Variants in PKD1L1 observed in about 807,000 individuals in gnomAD.
PKD1L1 encodes polycystin 1 like 1, transient receptor potential channel interacting.
PKD1L1 carries 236 observed loss-of-function variants against 323.4 expected under a neutral mutation model. That is an observed-to-expected ratio of 0.73 (90% CI 0.66 to 0.81). PKD1L1 has a LOEUF of 0.81. Ranked by LOEUF, PKD1L1 falls within the 40% of genes least tolerant of loss-of-function variation. PKD1L1 has a pLI of 0.00. For missense variants in PKD1L1, 3,320 were observed against 3,508.0 expected (o/e 0.95, Z 1.35); for synonymous variants, 1,344 against 1,335.0 (o/e 1.01, Z -0.15).
intron 9 of PKD1L1, among the ~76,000 whole-genome samples, chr7:47,907,125 T>TA (rs1284872568): frequency 6.6e-6 from 1 of 152,098 alleles, no homozygotes; most frequent in Non-Finnish European, 1.5e-5. Context: ...GCAAACAGGT[T>TA]AAAAAAATCC....
chr7:47,876,106 T>A lies in PKD1L1; in HGVS notation c.3775A>T (p.Asn1259Tyr). The A allele has an allele frequency of 6.2e-7, 1 of 1,614,028 alleles. No homozygotes were observed. The highest frequency in any genetic ancestry group is 8.5e-7 in the Non-Finnish European group (1 of 1,179,942). The change falls in exon 23 of 57, where the codon AAT becomes TAT. Residue 1259 changes from asparagine (N) to tyrosine (Y), a missense_variant. By Grantham distance (143) the Asn-to-Tyr change is moderately radical. Transcript: ENST00000289672. ...TGGCACCATAGCTTACCTTTGTAAT[T>A]GTCCAAGTGCTCACCAGCTGGCAAC... Reference protein sequence around the residue: ...FVLPAGEHLDNYKVMVSTEIT... With the variant: ...FVLPAGEHLDYYKVMVSTEIT...
chr7:47,843,750 C>T (rs899656779), intron 33 of PKD1L1, among the ~76,000 whole-genome samples: 2 of 152,132 alleles, frequency 1.3e-5, no homozygotes, highest in Admixed American at 6.5e-5. Context: ...CGTAGAATGA[C>T]ATTCATATCA....
At chr7:47,780,707 T>C (rs1399679459) in intron 56 of PKD1L1, among the ~76,000 whole-genome samples, 2 of 152,218 alleles carry the variant, frequency 1.3e-5, no homozygotes, top group Non-Finnish European at 1.5e-5. Flanking sequence ...CTCAGCATAA[T>C]TCTCTGGAGA....
At chr7:47,860,195 C>T (rs181968241) in intron 26 of PKD1L1, among the ~76,000 whole-genome samples, 87 of 152,256 alleles carry the variant, frequency 5.7e-4, no homozygotes, top group African/African-American at 1.9e-3. Flanking sequence ...TCACATCTAA[C>T]AAAACTACGA....
chr7:47,924,152 G>C (rs1787612489), intron 7 of PKD1L1, among the ~76,000 whole-genome samples: 1 of 152,162 alleles, frequency 6.6e-6, no homozygotes, highest in African/African-American at 2.4e-5. Flanking sequence ...GCTGAGCAAG[G>C]AGAACAGGGA....
At chr7:47,878,289 C>T (rs1395431421) in intron 21 of PKD1L1, among the ~76,000 whole-genome samples, 1 of 152,134 alleles carries the variant, frequency 6.6e-6, no homozygotes, top group African/African-American at 2.4e-5. Flanking sequence ...TTATTATCCC[C>T]AATGATTAAA....
intron 26 of PKD1L1, among the ~76,000 whole-genome samples, chr7:47,859,880 G>A (rs532065258): frequency 6.6e-6 from 1 of 151,870 alleles, no homozygotes; most frequent in African/African-American, 2.4e-5. Context: ...CACCCGCCTC[G>A]GCTTCCCAAA....
In PKD1L1 at chr7:47,880,769, G is replaced by C; in HGVS notation, c.3479C>G (p.Ser1160Cys). The change falls in exon 21 of 57, where the codon TCT becomes TGT. Residue 1160 changes from serine to cysteine, a missense_variant. Coordinates refer to ENST00000289672, the MANE Select transcript of PKD1L1 (RefSeq NM_138295.5). ...TEQTVTIKPYSLSSGETYVLQ... is the reference protein window; with the variant it reads ...TEQTVTIKPYCLSSGETYVLQ... ...GACGTACGTCTCTCCACTGCTCAGA[G>C]AGTATGGCTTGATTGTCACTGTCTG... The C allele has an allele frequency of 6.2e-7, 1 of 1,609,210 alleles. No individual in the cohort carries two copies. The highest frequency in any genetic ancestry group is 8.5e-7 in the Non-Finnish European group (1 of 1,177,188).
intron 13 of PKD1L1, among the ~76,000 whole-genome samples, chr7:47,900,728 C>T (rs1390556784): frequency 6.6e-6 from 1 of 150,812 alleles, no homozygotes; most frequent in Non-Finnish European, 1.5e-5. Context: ...AACTCAGTCT[C>T]AAAAATAAAT....
chr7:47,943,196 A>G lies in PKD1L1; in HGVS notation c.160+200T>C, dbSNP rs13228904. ...TATATATATATATATATATATATAT[A>G]TGTGTGTGTACCATCCTGGCATGTG... On this transcript the variant is annotated intron_variant, in intron 2 of 56. Transcript: ENST00000289672. Among the ~76,000 whole-genome samples, 17,401 of 132,644 alleles carry G rather than the reference A, an allele frequency of 0.13. 1,276 individuals are homozygous for G. The highest frequency in any genetic ancestry group is 0.21 in the East Asian group (947 of 4,448). The allele number at this position is 132,644 out of a possible 152,430, so 87.0% of individuals were successfully genotyped here.
At position 47,904,376 on chromosome 7, in the gene PKD1L1, A is replaced by G; in HGVS notation, c.1931+2T>C. 6.2e-7 allele frequency: 1 copy of G among 1,613,976 alleles called. No individual in the cohort carries two copies. Among genetic ancestry groups the G allele is most frequent in the Non-Finnish European group, 8.5e-7 (1 of 1,179,982 alleles). ...GCACTCCGCCGCCTTGCAGTGGCTCACCTACTGTAGACATGGCTGCTGGAG... is the reference window on the plus strand; with the variant it reads ...GCACTCCGCCGCCTTGCAGTGGCTCGCCTACTGTAGACATGGCTGCTGGAG... On this transcript the variant is annotated splice_donor_variant, in intron 12 of 56. Transcript: ENST00000289672. LOFTEE classifies it high-confidence loss of function.
chr7:47,804,179 C>A (rs780183075), intron 52 of PKD1L1, among the ~76,000 whole-genome samples: 4 of 152,186 alleles, frequency 2.6e-5, no homozygotes, highest in Non-Finnish European at 5.9e-5. Flanking sequence ...ACAACCAAAA[C>A]CTAGAGAAGC....
chr7:47,832,031 G>A lies in PKD1L1; in HGVS notation c.6338-679C>T, dbSNP rs188758588. On this transcript the variant is annotated intron_variant, in intron 41 of 56. Transcript: ENST00000289672. ...CCTCTGGGTGCAGCCGTCTTAGCTC[G>A]TTTTCTAGCAACTGCTCTTAGAGGC... Among the ~76,000 whole-genome samples the A allele has an allele frequency of 5.3e-5, 8 of 152,328 alleles. No individual in the cohort carries two copies. In the East Asian group the frequency reaches 7.7e-4, roughly 15 times the overall value.
intron 20 of PKD1L1, 89 bp downstream of exon 20, chr7:47,881,820 A>G: frequency 1.5e-6 from 2 of 1,330,304 alleles, no homozygotes; most frequent in Non-Finnish European, 2.1e-6. Flanking sequence ...CTTATCTAGT[A>G]AAACGAAAAG....
At chr7:47,861,153 T>C (rs541336128) in intron 26 of PKD1L1, among the ~76,000 whole-genome samples, 4 of 152,356 alleles carry the variant, frequency 2.6e-5, no homozygotes, top group African/African-American at 9.6e-5. Flanking sequence ...AGAAAAAATA[T>C]CTGTTGTATT....
intron 56 of PKD1L1, among the ~76,000 whole-genome samples, chr7:47,786,467 A>G (rs989757407): frequency 6.6e-6 from 1 of 152,112 alleles, no homozygotes; most frequent in African/African-American, 2.4e-5. Context: ...CCCAAATGTG[A>G]AAGGGAATGC....
chr7:47,882,078 G>A lies in PKD1L1; in HGVS notation c.3273C>T (p.Asp1091=), dbSNP rs754012146. 1.2e-6 allele frequency: 2 copies of A among 1,613,288 alleles called. No individual in the cohort carries two copies. Among genetic ancestry groups the A allele is most frequent in the Non-Finnish European group, 1.7e-6 (2 of 1,179,844 alleles). ...TAGGTCCTGATCCTGGAAAGCTGGTGTCCTTAGCTAGGAAGATAAACCAAG... is the reference window on the plus strand; with the variant it reads ...TAGGTCCTGATCCTGGAAAGCTGGTATCCTTAGCTAGGAAGATAAACCAAG... ...IPSGGRQPAK[D]TSFPGSGPSL... The change falls in exon 20 of 57, where the codon GAC becomes GAT. Residue 1091 remains aspartate, a synonymous_variant. Transcript: ENST00000289672.
chr7:47,853,081 T>C, intron 31 of PKD1L1, 46 bp downstream of exon 31: 1 of 1,316,376 alleles, frequency 7.6e-7, no homozygotes, highest in Non-Finnish European at 1.1e-6. Context: ...GGGGATGTTT[T>C]AATCATGTAA....
At chr7:47,941,470 A>G (rs888853091) in intron 2 of PKD1L1, among the ~76,000 whole-genome samples, 1 of 152,234 alleles carries the variant, frequency 6.6e-6, no homozygotes, top group Non-Finnish European at 1.5e-5. Flanking sequence ...TTAGCCTAGG[A>G]CAATATCAAA....
Sources: allele counts gnomAD v4.1 joint callset (sites outside exome capture counted in the v4.1 genomes callset), GRCh38; gene constraint gnomAD v4.1.1; transcripts MANE v1.5; gene names NCBI Gene and HGNC (gene_info 2026-07-23, HGNC 2026-07-21).